Variants in SVEP1 observed in about 807,000 individuals in gnomAD.
The protein encoded by SVEP1 is sushi, von Willebrand factor type A, EGF and pentraxin domain-containing protein 1.
SVEP1 carries 164 observed loss-of-function variants against 367.3 expected under a neutral mutation model. The ratio of observed to expected loss-of-function variants is 0.45; its 90% CI spans 0.39 to 0.51. The LOEUF (loss-of-function observed/expected upper bound fraction) is 0.51. SVEP1 is among the 20% of genes least tolerant of loss of function. The pLI is 0.00. For synonymous variants in SVEP1, 1,666 were observed against 1,611.6 expected (o/e 1.03, Z -0.81); for missense variants, 4,117 against 4,425.3 (o/e 0.93, Z 1.98).
intron 34 of SVEP1, 142 bp from the exon 35 acceptor site, chr9:110,429,476 AATTAAT>A (rs1160044371): frequency 7.2e-5 from 33 of 456,484 alleles, no homozygotes; most frequent in South Asian, 2.8e-4. Flanking sequence ...AATGCTTTTA[AATTAAT>A]TTTTTTTTTC....
chr9:110,377,407 T>C (rs374228590), intron 44 of SVEP1, 41 bp from the exon 45 acceptor site: 189 of 1,579,308 alleles, frequency 1.2e-4, no homozygotes, highest in Admixed American at 2.3e-4. Context: ...TAGGGAATTA[T>C]GAAGGGAAGG....
chr9:110,481,184 T>C, intron 12 of SVEP1, 58 bp downstream of exon 12: 1 of 1,266,686 alleles, frequency 7.9e-7, no homozygotes, highest in East Asian at 2.9e-5. Flanking sequence ...CTTTAACACT[T>C]AGAAATGTAC....
chr9:110,495,759 T>C lies in SVEP1; in HGVS notation c.1800+1056A>G, dbSNP rs76156591. Among the ~76,000 whole-genome samples the C allele has an allele frequency of 2.6e-3, 398 of 152,262 alleles. 6 individuals carry two copies. The highest frequency in any genetic ancestry group is 9.2e-3 in the African/African-American group (383 of 41,534). On this transcript the variant is annotated intron_variant, in intron 8 of 47. Coordinates refer to ENST00000374469, the MANE Select transcript of SVEP1 (RefSeq NM_153366.4). The stretch of plus-strand genomic sequence containing the variant: ...GAGGAAGTAAAATTCCTAAATGAAC[T>C]ATTTTTCTAACATCTGATGGATTAT...
Position 110,407,940 on chromosome 9 carries a change from T to C in SVEP1, c.7660A>G (p.Ile2554Val). ...ATGGGTTGTGGGGAATCACAGTGGA[T>C]GGCATTGCAAGATGGGGCATCTACA... ...WDVDAPSCNA[I>V]HCDSPQPIEN... Residue 2554 changes from isoleucine (I) to valine (V), a missense_variant, in exon 38 of 48, where the codon ATC (isoleucine) becomes GTC (valine). By Grantham distance (29) the Ile-to-Val change is conservative. This residue lies in a region of SVEP1 where 1,765 missense variants were observed against 1,781.1 expected (regional missense o/e 0.99). Transcript: ENST00000374469. The C allele has an allele frequency of 6.2e-7, 1 of 1,614,006 alleles. No homozygotes were observed.
intron 36 of SVEP1, among the ~76,000 whole-genome samples, chr9:110,413,665 G>A (rs1013095041): frequency 6.6e-6 from 1 of 151,902 alleles, no homozygotes; most frequent in Admixed American, 6.6e-5. Flanking sequence ...TATAATGATG[G>A]ATTGATGACT....
At position 110,407,034 on chromosome 9, in the gene SVEP1, C is replaced by G. The variant is rs768994777; in HGVS notation, c.8566G>C (p.Glu2856Gln). ...AAGAACCCTTCATTGCAAGTGTATT[C>G]AATCTCTTTTTGGAATGTGTACTCG... ...GDEYTFQKEI[E>Q]YTCNEGFLLE... Residue 2856 changes from glutamate to glutamine, a missense_variant, in exon 38 of 48, where the codon GAA (glutamate) becomes CAA (glutamine). Transcript: ENST00000374469. 1 of 1,613,948 alleles carries G rather than the reference C, an allele frequency of 6.2e-7. No individual in the cohort carries two copies. The highest frequency in any genetic ancestry group is 8.5e-7 in the Non-Finnish European group (1 of 1,179,874).
intron 27 of SVEP1, among the ~76,000 whole-genome samples, chr9:110,438,177 A>ATTTTTTT (rs10593866): frequency 2.6e-5 from 2 of 75,536 alleles, no homozygotes; most frequent in Non-Finnish European, 4.9e-5. Flanking sequence ...TAGTTATGCT[A>ATTTTTTT]TTTTTTTTTT....
At chr9:110,496,159 G>C (rs1829443151) in intron 8 of SVEP1, among the ~76,000 whole-genome samples, 1 of 152,176 alleles carries the variant, frequency 6.6e-6, no homozygotes. Flanking sequence ...TACGAGTAGA[G>C]TTCATACACA....
intron 1 of SVEP1, among the ~76,000 whole-genome samples, chr9:110,577,779 A>G (rs1830643612): frequency 1.3e-5 from 2 of 152,144 alleles, no homozygotes; most frequent in African/African-American, 4.8e-5. Context: ...GAAAAAACAA[A>G]CAAGCACTAT....
intron 5 of SVEP1, among the ~76,000 whole-genome samples, chr9:110,504,220 A>T (rs1443787007): frequency 2.7e-5 from 4 of 146,920 alleles, no homozygotes; most frequent in East Asian, 2.0e-4. Flanking sequence ...ACGCCCGGCT[A>T]TTTTTTTTTT....
intron 5 of SVEP1, among the ~76,000 whole-genome samples, chr9:110,511,558 C>A (rs1172858998): frequency 1.1e-5 from 1 of 87,696 alleles, no homozygotes; most frequent in African/African-American, 4.3e-5. Context: ...TCTCAAATTT[C>A]TTTCATTGCT....
Position 110,427,752 on chromosome 9 carries a change from C to G in SVEP1, c.5814G>C (p.Gln1938His). The G allele has an allele frequency of 3.7e-6, 6 of 1,609,970 alleles. No individual in the cohort carries two copies. Among genetic ancestry groups the G allele is most frequent in the Non-Finnish European group, 5.1e-6 (6 of 1,178,284 alleles). ...SYSCDTGYSL[Q>H]GPSIIECTAS... ...CCGTGCATTCAATAATGGAAGGGCC[C>G]TGTAAGCTGCGGGAAAGAATGATGT... Residue 1938 changes from glutamine (Q) to histidine (H), a missense_variant, in exon 36 of 48, where the codon CAG becomes CAC. Gln to His is a conservative substitution (Grantham distance 24). Coordinates refer to ENST00000374469, the MANE Select transcript of SVEP1 (RefSeq NM_153366.4).
intron 46 of SVEP1, among the ~76,000 whole-genome samples, chr9:110,372,061 C>A (rs923895896): frequency 1.3e-5 from 2 of 152,192 alleles, no homozygotes; most frequent in African/African-American, 4.8e-5. Flanking sequence ...TTTAGAGCTT[C>A]ATTCCAGCCA....
intron 18 of SVEP1, among the ~76,000 whole-genome samples, chr9:110,465,199 A>C (rs1324161246): frequency 6.6e-6 from 1 of 152,046 alleles, no homozygotes; most frequent in Non-Finnish European, 1.5e-5. Flanking sequence ...AGGCCTCACA[A>C]TCTGTCTTAA....
rs1588067027 is a variant in SVEP1, at chr9:110,465,769, T to C, written c.3322+96A>G. On this transcript the variant is annotated intron_variant, in intron 18 of 47. Coordinates refer to ENST00000374469, the MANE Select transcript of SVEP1 (RefSeq NM_153366.4). ...GAGACAGTTATTTCCATTCTGTGCA[T>C]AGAGTAGATGTATGTTTTTGCAGAA... 16 of 1,389,836 alleles carry C rather than the reference T, an allele frequency of 1.2e-5. No homozygotes were observed. The Middle Eastern group carries it at 5.5e-4, about 48-fold the overall frequency. 86.1% of individuals were successfully genotyped at this position (1,389,836 alleles called of 1,614,324 possible).
rs968336196 is a variant in SVEP1, at chr9:110,436,239, C to G, written c.4764+141G>C. ...AACTTCTGCCTAACTTCATCTATAACCACAGCATCAAATGATACTGGTGAT... is the reference window on the plus strand; with the variant it reads ...AACTTCTGCCTAACTTCATCTATAAGCACAGCATCAAATGATACTGGTGAT... On this transcript the variant is annotated intron_variant, in intron 28 of 47. Transcript: ENST00000374469. 5 of 1,089,336 alleles carry G rather than the reference C, an allele frequency of 4.6e-6. No individual in the cohort carries two copies. In the African/African-American group the frequency reaches 7.8e-5, roughly 17 times the overall value. The allele number at this position is 1,089,336 out of a possible 1,614,324, so 67.5% of individuals were successfully genotyped here.
Position 110,545,416 on chromosome 9 carries a change from C to T in SVEP1, c.964+699G>A, listed in dbSNP as rs550175195. ...TTAAGAGTGCCTCTTTCTCTCCATC[C>T]TTGCCATCATTTGTAATTTTTTGTC... is the stretch of plus-strand genomic sequence containing the variant. On this transcript the variant is annotated intron_variant, in intron 3 of 47. Coordinates refer to ENST00000374469, the MANE Select transcript of SVEP1 (RefSeq NM_153366.4). 1.1e-4 allele frequency among the ~76,000 whole-genome samples: 17 copies of T among 152,314 alleles called. No homozygotes were observed. The South Asian group carries it at 3.3e-3, about 30-fold the overall frequency.
At chr9:110,532,837 G>C (rs1830036999) in intron 3 of SVEP1, among the ~76,000 whole-genome samples, 1 of 152,008 alleles carries the variant, frequency 6.6e-6, no homozygotes, top group Non-Finnish European at 1.5e-5. Context: ...GTTTCCTCCA[G>C]AAACTTTGCC....
chr9:110,396,659 G>T lies in SVEP1; in HGVS notation c.9822+4195C>A, dbSNP rs1054511399. ...TAGACACAATAAAAAATGATAGAGG[G>T]GATATCACCACTGATCCCACAGAAA... On this transcript the variant is annotated intron_variant, in intron 40 of 47. Coordinates refer to ENST00000374469, the MANE Select transcript of SVEP1 (RefSeq NM_153366.4). Among the ~76,000 whole-genome samples, 856 of 126,900 alleles carry T rather than the reference G, an allele frequency of 6.7e-3. 5 individuals carry two copies. The highest frequency in any genetic ancestry group is 0.024 in the African/African-American group (795 of 32,942). The allele number at this position is 126,900 out of a possible 152,430, so 83.3% of individuals were successfully genotyped here.
Sources: gnomAD v4.1 joint callset for allele counts (sites outside exome capture counted in the v4.1 genomes callset) on GRCh38, gnomAD v4.1.1 for gene constraint, gnomAD v4.1.1 regional missense constraint, MANE v1.5 for transcripts, NCBI Gene and HGNC (gene_info 2026-07-23, HGNC 2026-07-21) for gene names.